The following SOX5 variants were observed in gnomAD, a reference collection of about 807,000 sequenced individuals.
The protein encoded by SOX5 is SRY-box transcription factor 5.
SOX5 carries 9 observed loss-of-function variants against 92.0 expected under a neutral mutation model. The ratio of observed to expected loss-of-function variants is 0.10; its 90% CI spans 0.06 to 0.17. SOX5 has a LOEUF of 0.17. SOX5 is among the 10% of genes least tolerant of loss of function. The pLI is 1.00. For missense variants in SOX5, 642 were observed against 944.5 expected (o/e 0.68, Z 4.20); for synonymous variants, 344 against 336.3 (o/e 1.02, Z -0.25).
At chr12:24,171,760 G>A (rs1261532962) in intron 4 of SOX5, among the ~76,000 whole-genome samples, 1 of 152,100 alleles carries the variant, frequency 6.6e-6, no homozygotes, top group East Asian at 1.9e-4. Context: ...CACATTGGGA[G>A]ATTGAGGCAG....
At chr12:23,680,673 G>A (rs916023040) in intron 6 of SOX5, among the ~76,000 whole-genome samples, 1 of 151,890 alleles carries the variant, frequency 6.6e-6, no homozygotes. Flanking sequence ...TACACAAGCA[G>A]GACAAATGAG....
chr12:23,649,732 A>G (rs1002225406), intron 7 of SOX5, among the ~76,000 whole-genome samples: 5 of 152,244 alleles, frequency 3.3e-5, no homozygotes, highest in Middle Eastern at 3.4e-3. Flanking sequence ...AAAGCATTCA[A>G]TTGCATCATT....
intron 6 of SOX5, among the ~76,000 whole-genome samples, chr12:23,679,785 T>A (rs900226276): frequency 2.0e-5 from 3 of 152,124 alleles, no homozygotes; most frequent in Admixed American, 6.6e-5. Flanking sequence ...AATACACAAT[T>A]TAAATTTAAC....
intron 1 of SOX5, among the ~76,000 whole-genome samples, chr12:24,483,292 G>T (rs530223235): frequency 2.4e-4 from 36 of 152,306 alleles, no homozygotes; most frequent in Non-Finnish European, 4.7e-4. Context: ...TTTCTGGACA[G>T]TGAAAACGCC....
At chr12:24,283,423 A>G (rs1484206849) in intron 2 of SOX5, among the ~76,000 whole-genome samples, 1 of 152,234 alleles carries the variant, frequency 6.6e-6, no homozygotes, top group Non-Finnish European at 1.5e-5. Flanking sequence ...GAAGGCCAGG[A>G]CTGTTGCTTG....
chr12:24,083,419 A>G (rs1200545222), intron 4 of SOX5, among the ~76,000 whole-genome samples: 1 of 152,126 alleles, frequency 6.6e-6, no homozygotes, highest in Non-Finnish European at 1.5e-5. Context: ...TCTGCCAGGC[A>G]TTGTACCAAG....
At chr12:24,234,534 C>T (rs932915036) in intron 3 of SOX5, among the ~76,000 whole-genome samples, 1 of 152,008 alleles carries the variant, frequency 6.6e-6, no homozygotes, top group African/African-American at 2.4e-5. Context: ...TGCACCACCA[C>T]GCCTGGCTAA....
rs147314308 is a variant in SOX5 at position 23,652,030 on chromosome 12, C to T, written c.932-11133G>A. Among the ~76,000 whole-genome samples the T allele has an allele frequency of 3.3e-3, 501 of 152,056 alleles. 1 individual carries two copies. Among genetic ancestry groups the T allele is most frequent in the African/African-American group, 0.011 (474 of 41,498 alleles). On this transcript the variant is annotated intron_variant, in intron 7 of 14. Coordinates refer to ENST00000451604, the MANE Select transcript of SOX5 (RefSeq NM_006940.6). ...ATGAACTATCTAGAATATAAAACCC[C>T]TTCTGAAACCATCATCTATTTTCTC...
intron 1 of SOX5, among the ~76,000 whole-genome samples, chr12:24,499,532 C>G (rs1865545465): frequency 6.6e-6 from 1 of 152,140 alleles, no homozygotes; most frequent in Non-Finnish European, 1.5e-5. Flanking sequence ...GGTACACATC[C>G]AATGTGGGAC....
chr12:24,317,948 C>A (rs560058499), intron 2 of SOX5, among the ~76,000 whole-genome samples: 8 of 152,164 alleles, frequency 5.3e-5, no homozygotes, highest in East Asian at 1.9e-4. Flanking sequence ...TGGTGGCTCA[C>A]GCCTGTAATC....
chr12:23,811,350 T>TA (rs1567966945), intron 3 of SOX5, among the ~76,000 whole-genome samples: 1 of 152,120 alleles, frequency 6.6e-6, no homozygotes, highest in East Asian at 1.9e-4. Context: ...ACATATTATA[T>TA]AAAATGAATT....
chr12:23,723,566 T>TTATATATATATATATA (rs10679589), intron 6 of SOX5, among the ~76,000 whole-genome samples: 7 of 144,710 alleles, frequency 4.8e-5, no homozygotes, highest in African/African-American at 7.6e-5. Context: ...AGGAGAAAAA[T>TTATATATATATATATA]TATATATATA....
intron 6 of SOX5, among the ~76,000 whole-genome samples, chr12:23,717,187 A>G (rs546644833): frequency 1.8e-4 from 28 of 152,228 alleles, no homozygotes; most frequent in Non-Finnish European, 3.7e-4. Context: ...TCCTGACAGT[A>G]GAAAAAATAT....
chr12:24,225,601 T>C (rs2728847), intron 3 of SOX5, among the ~76,000 whole-genome samples: 77,823 of 151,822 alleles, frequency 0.51, 20,264 homozygotes, highest in East Asian at 0.73. Context: ...CTCAGGAGAG[T>C]TGGTTACACA....
chr12:24,502,940 C>T (rs1399840388), intron 1 of SOX5, among the ~76,000 whole-genome samples: 1 of 152,130 alleles, frequency 6.6e-6, no homozygotes, highest in Admixed American at 6.5e-5. Context: ...AATTGACTAG[C>T]ACTCATCAAA....
At chr12:24,529,235 A>AC (rs1950965738) in intron 1 of SOX5, among the ~76,000 whole-genome samples, 1 of 152,242 alleles carries the variant, frequency 6.6e-6, no homozygotes, top group East Asian at 1.9e-4. Flanking sequence ...ACTCTCTGAG[A>AC]AAAGAAAGAT....
chr12:23,656,780 A>G (rs1449396153), intron 7 of SOX5, among the ~76,000 whole-genome samples: 2 of 151,866 alleles, frequency 1.3e-5, no homozygotes, highest in East Asian at 1.9e-4. Context: ...ATAAATATAT[A>G]TAATGGATTC....
chr12:24,198,515 G>A (rs748214111), intron 4 of SOX5, among the ~76,000 whole-genome samples: 1 of 152,132 alleles, frequency 6.6e-6, no homozygotes, highest in African/African-American at 2.4e-5. Flanking sequence ...AAGCCCAGGA[G>A]GGCAGGGTAT....
chr12:24,338,712 G>A (rs969426403), intron 2 of SOX5, among the ~76,000 whole-genome samples: 1 of 152,142 alleles, frequency 6.6e-6, no homozygotes, highest in Admixed American at 6.5e-5. Flanking sequence ...TTTTTTCCCT[G>A]TGCTGTTCTC....
Sources: gnomAD v4.1 joint callset for allele counts (sites outside exome capture counted in the v4.1 genomes callset) on GRCh38, gnomAD v4.1.1 for gene constraint, MANE v1.5 for transcripts, NCBI Gene and HGNC (gene_info 2026-07-23, HGNC 2026-07-21) for gene names.